The following TOX variants were observed in gnomAD, a reference collection of about 807,000 sequenced individuals.
TOX encodes the protein thymocyte selection associated high mobility group box.
TOX carries 11 observed loss-of-function variants against 53.7 expected under a neutral mutation model. The ratio of observed to expected loss-of-function variants is 0.20; its 90% CI spans 0.13 to 0.34. The LOEUF (loss-of-function observed/expected upper bound fraction) is 0.34. Ranked by LOEUF, TOX falls within the 10% of genes least tolerant of loss-of-function variation. The pLI is 1.00. For synonymous variants in TOX, 225 were observed against 245.3 expected (o/e 0.92, Z 0.77); for missense variants, 570 against 664.6 (o/e 0.86, Z 1.56).
chr8:58,939,930 C>T (rs1183090457), intron 2 of TOX, among the ~76,000 whole-genome samples: 1 of 152,194 alleles, frequency 6.6e-6, no homozygotes, highest in Non-Finnish European at 1.5e-5. Context: ...GGGCTCCCTA[C>T]TGCTCAGATC....
chr8:58,895,363 T>A (rs115584862), intron 3 of TOX, among the ~76,000 whole-genome samples: 6,607 of 152,258 alleles, frequency 0.043, 212 homozygotes, highest in African/African-American at 0.094. Flanking sequence ...TCTTTATGAA[T>A]ACAATTATAT....
At chr8:58,926,194 G>A (rs1376517289) in intron 3 of TOX, among the ~76,000 whole-genome samples, 1 of 152,140 alleles carries the variant, frequency 6.6e-6, no homozygotes, top group African/African-American at 2.4e-5. Flanking sequence ...GCCTCATGAG[G>A]GGATCTCCAC....
chr8:59,062,810 G>C (rs1432561085), intron 1 of TOX, among the ~76,000 whole-genome samples: 2 of 152,136 alleles, frequency 1.3e-5, no homozygotes, highest in East Asian at 3.8e-4. Context: ...GTGTGTGACA[G>C]AGAGAAAGAG....
At chr8:58,966,517 C>T (rs570003419) in intron 1 of TOX, among the ~76,000 whole-genome samples, 18 of 152,096 alleles carry the variant, frequency 1.2e-4, no homozygotes, top group East Asian at 1.2e-3. Flanking sequence ...GGGTACAGTG[C>T]GGCTGCTTGG....
At chr8:59,107,055 G>C (rs958206283) in intron 1 of TOX, among the ~76,000 whole-genome samples, 1 of 131,160 alleles carries the variant, frequency 7.6e-6, no homozygotes, top group Non-Finnish European at 1.6e-5. Context: ...CTGGGGGGGG[G>C]GGGAACGTGA....
rs761925751 is a variant in TOX at position 58,838,342 on chromosome 8, G to A, written c.694-31C>T. 3 of 1,577,546 alleles carry A rather than the reference G, an allele frequency of 1.9e-6. No individual in the cohort carries two copies. The South Asian group carries it at 3.3e-5, about 18-fold the overall frequency. ...AGAGAAATCAAAATAGAATTATAGG[G>A]GGACTGAGACAATTTGGGGACAAGA... On this transcript the variant is annotated intron_variant, in intron 4 of 8. Transcript: ENST00000361421.
intron 3 of TOX, among the ~76,000 whole-genome samples, chr8:58,868,648 G>A (rs1382268771): frequency 3.3e-5 from 5 of 151,902 alleles, no homozygotes; most frequent in Admixed American, 2.0e-4. Flanking sequence ...TGAAAATAAA[G>A]GTACAACAAT....
At chr8:58,808,546 T>C (rs1810026020) in intron 7 of TOX, among the ~76,000 whole-genome samples, 1 of 152,202 alleles carries the variant, frequency 6.6e-6, no homozygotes, top group South Asian at 2.1e-4. Context: ...ATTTCAAATA[T>C]AGAGGAGCCA....
At chr8:59,053,645 C>G (rs1445985452) in intron 1 of TOX, among the ~76,000 whole-genome samples, 1 of 152,168 alleles carries the variant, frequency 6.6e-6, no homozygotes, top group Non-Finnish European at 1.5e-5. Context: ...GCTCAAGAGT[C>G]ACTGCTTCCT....
intron 1 of TOX, among the ~76,000 whole-genome samples, chr8:58,965,056 C>T (rs1196765462): frequency 6.6e-6 from 1 of 152,180 alleles, no homozygotes; most frequent in Non-Finnish European, 1.5e-5. Context: ...ATGCTCATCA[C>T]AGTTATTATT....
intron 3 of TOX, among the ~76,000 whole-genome samples, chr8:58,881,795 AC>A (rs2129170965): frequency 6.6e-6 from 1 of 151,786 alleles, no homozygotes; most frequent in African/African-American, 2.4e-5. Flanking sequence ...TGACATGCAC[AC>A]CAAGCCGCAG....
chr8:58,859,654 C>T (rs1171841762), intron 3 of TOX, among the ~76,000 whole-genome samples: 1 of 152,170 alleles, frequency 6.6e-6, no homozygotes, highest in Non-Finnish European at 1.5e-5. Flanking sequence ...CCTCAGAAAC[C>T]AGTGCTCACA....
Position 59,118,060 on chromosome 8 carries a change from C to T in TOX, c.102+826G>A, listed in dbSNP as rs1382885979. On this transcript the variant is annotated intron_variant, in intron 1 of 8. Coordinates refer to ENST00000361421, the MANE Select transcript of TOX (RefSeq NM_014729.3). This position sits in a 1 kb window ranked among gnomAD's most constrained non-coding sequence, Gnocchi z 4.1. The stretch of plus-strand genomic sequence containing the variant: ...TCCGCAGCAGCCCAGGCCAGCGCCC[C>T]ACCTCCGGGTCACCGGCATGATCCG... Among the ~76,000 whole-genome samples, 1 of 152,192 alleles carries T rather than the reference C, an allele frequency of 6.6e-6. No individual in the cohort carries two copies.
In TOX at chr8:58,984,941, A is replaced by G. The variant is rs1376107357; in HGVS notation, c.103-24933T>C. Among the ~76,000 whole-genome samples the G allele has an allele frequency of 4.0e-5, 6 of 151,714 alleles. No homozygotes were observed. The East Asian group carries it at 1.2e-3, about 29-fold the overall frequency. Reference sequence around the variant, plus strand: ...TCTCAAAAAATTAAACAGAATTACCATATGACCTAGTAATTTAACCTCTGG... The same window carrying G: ...TCTCAAAAAATTAAACAGAATTACCGTATGACCTAGTAATTTAACCTCTGG... On this transcript the variant is annotated intron_variant, in intron 1 of 8. Coordinates refer to ENST00000361421, the MANE Select transcript of TOX (RefSeq NM_014729.3).
intron 1 of TOX, among the ~76,000 whole-genome samples, chr8:59,069,506 C>CAGTTTAT (rs1344757183): frequency 6.6e-6 from 1 of 152,098 alleles, no homozygotes; most frequent in African/African-American, 2.4e-5. Context: ...TTAGAGACAT[C>CAGTTTAT]AGTTTATAGT....
chr8:59,085,244 T>G (rs182028833), intron 1 of TOX, among the ~76,000 whole-genome samples: 15 of 152,364 alleles, frequency 9.8e-5, no homozygotes, highest in African/African-American at 3.6e-4. Flanking sequence ...ATGCCACAAT[T>G]TTTAGCTACC....
intron 1 of TOX, among the ~76,000 whole-genome samples, chr8:58,969,906 C>T (rs994010843): frequency 6.6e-6 from 1 of 152,200 alleles, no homozygotes; most frequent in Non-Finnish European, 1.5e-5. Context: ...TGCCCCTTGT[C>T]TTACTTTCTG....
intron 6 of TOX, among the ~76,000 whole-genome samples, chr8:58,817,786 G>T (rs1448554477): frequency 6.6e-6 from 1 of 152,036 alleles, no homozygotes; most frequent in Non-Finnish European, 1.5e-5. Context: ...TATAGGTGTT[G>T]TTTTTAATTT....
At chr8:58,987,946 T>C (rs1813364001) in intron 1 of TOX, among the ~76,000 whole-genome samples, 1 of 152,204 alleles carries the variant, frequency 6.6e-6, no homozygotes, top group African/African-American at 2.4e-5. Context: ...GAAAAGAAGC[T>C]GGCCTAAATG....
Sources: gnomAD v4.1 joint callset for allele counts (sites outside exome capture counted in the v4.1 genomes callset) on GRCh38, gnomAD v4.1.1 for gene constraint, Gnocchi (gnomAD v3.1) non-coding constraint, MANE v1.5 for transcripts, NCBI Gene and HGNC (gene_info 2026-07-23, HGNC 2026-07-21) for gene names.